The following PDE4B variants were observed in gnomAD, a reference collection of about 807,000 sequenced individuals.
The protein encoded by PDE4B is 3',5'-cyclic-AMP phosphodiesterase 4B.
PDE4B carries 20 observed loss-of-function variants against 82.2 expected under a neutral mutation model. The observed-to-expected ratio is 0.24, with a 90% confidence interval of 0.17 to 0.35. The LOEUF is 0.35. PDE4B is among the 10% of genes least tolerant of loss of function. PDE4B has a pLI of 1.00. For synonymous variants in PDE4B, 320 were observed against 318.9 expected, an observed-to-expected ratio of 1.00 and a Z score of -0.04; for missense variants, 655 against 907.2, an observed-to-expected ratio of 0.72 and a Z score of 3.57.
At chr1:66,173,586 A>C (rs1176400238) in intron 3 of PDE4B, among the ~76,000 whole-genome samples, 1 of 152,250 alleles carries the variant, frequency 6.6e-6, no homozygotes, top group African/African-American at 2.4e-5. Flanking sequence ...AAAATGGAAC[A>C]TCACAATTAA....
chr1:65,984,295 C>A (rs1482361309), intron 3 of PDE4B, among the ~76,000 whole-genome samples: 1 of 152,178 alleles, frequency 6.6e-6, no homozygotes, highest in Admixed American at 6.5e-5. Flanking sequence ...TGATGGAGAA[C>A]AGATCACAGA....
intron 7 of PDE4B, among the ~76,000 whole-genome samples, chr1:66,324,863 TA>T (rs1428545050): frequency 6.6e-6 from 1 of 152,194 alleles, no homozygotes; most frequent in African/African-American, 2.4e-5. Context: ...TACCCAAGGT[TA>T]AAATAACATG....
chr1:66,016,429 C>G (rs147003884), intron 3 of PDE4B, among the ~76,000 whole-genome samples: 2 of 152,272 alleles, frequency 1.3e-5, no homozygotes, highest in East Asian at 3.9e-4. Context: ...TTCTTGCTGC[C>G]TGGATTATCT....
chr1:65,845,128 A>G (rs1646254079), intron 1 of PDE4B, among the ~76,000 whole-genome samples: 1 of 152,062 alleles, frequency 6.6e-6, no homozygotes, highest in South Asian at 2.1e-4. Flanking sequence ...ATTGCAGACA[A>G]TTTTTCATTC....
chr1:66,095,069 T>G (rs1395909532), intron 3 of PDE4B, among the ~76,000 whole-genome samples: 1 of 151,916 alleles, frequency 6.6e-6, no homozygotes, highest in Non-Finnish European at 1.5e-5. Context: ...TTGACCTGTA[T>G]GCCCTTAGAA....
chr1:66,211,122 G>C (rs1337567574), intron 3 of PDE4B, among the ~76,000 whole-genome samples: 2 of 152,162 alleles, frequency 1.3e-5, no homozygotes, highest in Admixed American at 6.6e-5. Context: ...AAAAAGATAA[G>C]ATGTACCATT....
intron 3 of PDE4B, among the ~76,000 whole-genome samples, chr1:66,163,375 T>G (rs931120287): frequency 1.3e-5 from 2 of 152,208 alleles, no homozygotes; most frequent in Non-Finnish European, 2.9e-5. Context: ...GTGATGGGGA[T>G]TAAATGCAAT....
chr1:65,929,619 G>T (rs1250786382), intron 3 of PDE4B, among the ~76,000 whole-genome samples: 1 of 152,158 alleles, frequency 6.6e-6, no homozygotes, highest in African/African-American at 2.4e-5. Context: ...TCTGAAGCCA[G>T]GAGACAGAAT....
At chr1:65,893,148 T>G (rs1646870412) in intron 1 of PDE4B, among the ~76,000 whole-genome samples, 1 of 152,094 alleles carries the variant, frequency 6.6e-6, no homozygotes, top group African/African-American at 2.4e-5. Context: ...TTTGGACATT[T>G]TAGGGACTCA....
intron 1 of PDE4B, among the ~76,000 whole-genome samples, chr1:65,893,419 C>T (rs971993139): frequency 7.9e-5 from 12 of 152,090 alleles, no homozygotes; most frequent in Middle Eastern, 3.4e-3. Context: ...ATTAAACCCA[C>T]AATGAGATAC....
intron 7 of PDE4B, among the ~76,000 whole-genome samples, chr1:66,317,771 A>T (rs1659127319): frequency 6.6e-6 from 1 of 151,922 alleles, no homozygotes; most frequent in Non-Finnish European, 1.5e-5. Context: ...GGCGGTAAGC[A>T]CCTGTAGTCC....
At chr1:66,113,044 A>T (rs1645521246) in intron 3 of PDE4B, among the ~76,000 whole-genome samples, 2 of 152,194 alleles carry the variant, frequency 1.3e-5, no homozygotes, top group African/African-American at 4.8e-5. Flanking sequence ...TTTTTGAGAC[A>T]CAATTGCATT....
intron 3 of PDE4B, among the ~76,000 whole-genome samples, chr1:66,169,060 A>T (rs1297683623): frequency 6.6e-6 from 1 of 152,256 alleles, no homozygotes; most frequent in East Asian, 1.9e-4. Flanking sequence ...AGGGGAGACC[A>T]TTCAAACATG....
chr1:66,318,332 T>G (rs1486963626), intron 7 of PDE4B, among the ~76,000 whole-genome samples: 1 of 152,142 alleles, frequency 6.6e-6, no homozygotes, highest in Non-Finnish European at 1.5e-5. Flanking sequence ...TTATACATAG[T>G]CTCTCACACA....
At chr1:65,923,359 T>G (rs1042625324) in intron 3 of PDE4B, among the ~76,000 whole-genome samples, 4 of 152,254 alleles carry the variant, frequency 2.6e-5, no homozygotes, top group African/African-American at 9.6e-5. Flanking sequence ...ATCTATAACT[T>G]TAATCTTCTT....
intron 3 of PDE4B, among the ~76,000 whole-genome samples, chr1:66,073,015 C>CTTTTT (rs35522900): frequency 1.4e-5 from 2 of 146,966 alleles, no homozygotes; most frequent in Non-Finnish European, 1.5e-5. Flanking sequence ...GCCTTTAGCC[C>CTTTTT]TTTTTTTTTT....
chr1:66,123,817 C>G (rs941954743), intron 3 of PDE4B, among the ~76,000 whole-genome samples: 1 of 152,110 alleles, frequency 6.6e-6, no homozygotes, highest in South Asian at 2.1e-4. Flanking sequence ...TCATTAAATC[C>G]CTTAGCCTAC....
intron 3 of PDE4B, among the ~76,000 whole-genome samples, chr1:66,188,861 A>T (rs1647451299): frequency 6.6e-6 from 1 of 152,154 alleles, no homozygotes; most frequent in African/African-American, 2.4e-5. Flanking sequence ...TTATGTGTGA[A>T]TTTGATCCTG....
chr1:66,332,757 C>A, intron 8 of PDE4B, 137 bp downstream of exon 8: 2 of 720,182 alleles, frequency 2.8e-6, no homozygotes. Flanking sequence ...CTAGAAGATT[C>A]TCTTCCAAAG....
Sources: allele counts gnomAD v4.1 joint callset (sites outside exome capture counted in the v4.1 genomes callset), GRCh38; gene constraint gnomAD v4.1.1; transcripts MANE v1.5; gene names NCBI Gene and HGNC (gene_info 2026-07-23, HGNC 2026-07-21).